The following PEG3 variants were observed in gnomAD, a reference collection of about 807,000 sequenced individuals.
The protein encoded by PEG3 is paternally-expressed gene 3 protein.
PEG3 carries 23 observed loss-of-function variants against 35.5 expected under a neutral mutation model. The observed-to-expected ratio is 0.65, with a 90% CI of 0.47 to 0.92. The LOEUF is 0.92. Ranked by LOEUF, PEG3 falls within the 40% of genes least tolerant of loss-of-function variation. The pLI, the probability that PEG3 is intolerant of heterozygous loss-of-function variation, is 0.00. For synonymous variants in PEG3, 707 were observed against 697.0 expected, an observed-to-expected ratio of 1.01 and a Z score of -0.23; for missense variants, 1,960 against 1,985.3, an observed-to-expected ratio of 0.99 and a Z score of 0.24.
intron 8 of PEG3, 40 bp from the exon 9 acceptor site, chr19:56,817,875 T>C: frequency 6.5e-7 from 1 of 1,531,516 alleles, no homozygotes; most frequent in East Asian, 2.3e-5. Context: ...CAAATTCAAG[T>C]TGAGGACCAA....
chr19:56,823,868 G>A (rs1159459330), intron 4 of PEG3, among the ~76,000 whole-genome samples, 189 bp from the exon 5 acceptor site: 1 of 152,128 alleles, frequency 6.6e-6, no homozygotes, highest in Non-Finnish European at 1.5e-5. Context: ...TGGGTGGGGG[G>A]AGCATGGTGG....
In PEG3 at chr19:56,813,836, C is replaced by G; in HGVS notation, c.4606G>C (p.Ala1536Pro). 6.2e-7 allele frequency: 1 copy of G among 1,614,200 alleles called. No individual in the cohort carries two copies. The highest frequency in any genetic ancestry group is 8.5e-7 in the Non-Finnish European group (1 of 1,180,038). Residue 1536 changes from alanine to proline, a missense_variant, in exon 10 of 10, where the codon GCA (alanine) becomes CCA (proline). By Grantham distance (27) the Ala-to-Pro change is conservative. Around this residue, in one of 5 missense-constraint regions of PEG3, gnomAD observed 416 missense variants for 416.7 expected, o/e 1.00. Transcript: ENST00000326441. ...CCTGAGCACTCCCCAAAGGCATTTGCAGGCTCAAATATGATCATGCTGGCA... is the reference window on the plus strand; with the variant it reads ...CCTGAGCACTCCCCAAAGGCATTTGGAGGCTCAAATATGATCATGCTGGCA... ...THASMIIFEP[A>P]NAFGECSGYI...
Position 56,812,652 on chromosome 19 carries a change from A to T in PEG3, c.*1023T>A, listed in dbSNP as rs2059614496. ...TGATGAAAGGTTATTAGCCTGCAAC[A>T]TTATTTACAGCATGAGAGCCTCTCC... On this transcript the variant is annotated 3_prime_UTR_variant, in exon 10 of 10. Transcript: ENST00000326441. 1 of 985,666 alleles carries T rather than the reference A, an allele frequency of 1.0e-6. No individual in the cohort carries two copies. Among genetic ancestry groups the T allele is most frequent in the South Asian group, 4.7e-5 (1 of 21,290 alleles). The allele number at this position is 985,666 out of a possible 1,614,324, so 61.1% of individuals were successfully genotyped here.
In PEG3 at chr19:56,824,562, C is replaced by A; in HGVS notation, c.94G>T (p.Asp32Tyr). ...ELDSDLTKEPDVIIGEGPTDS... is the reference protein window; with the variant it reads ...ELDSDLTKEPYVIIGEGPTDS... ...GTTGGACCTTCTCCTATGATGACAT[C>A]CGGCTCCTTAGTCAAGTCACTGTCT... is the stretch of plus-strand genomic sequence containing the variant. The change falls in exon 4 of 10, where the codon GAT becomes TAT. Residue 32 changes from aspartate to tyrosine, a missense_variant. By Grantham distance (160) the Asp-to-Tyr change is radical. This residue lies in a region of PEG3 where 613 missense variants were observed against 577.1 expected (regional missense o/e 1.06). Transcript: ENST00000326441. 18 of 1,614,156 alleles carry A rather than the reference C, an allele frequency of 1.1e-5. No individual in the cohort carries two copies. Among genetic ancestry groups the A allele is most frequent in the Non-Finnish European group, 1.5e-5 (18 of 1,180,026 alleles).
Position 56,811,249 on chromosome 19 carries a change from T to TACA in PEG3, c.*2423_*2425dup. The TACA allele has an allele frequency of 2.1e-6, 2 of 954,996 alleles. No individual in the cohort carries two copies. The highest frequency in any genetic ancestry group is 2.5e-6 in the Non-Finnish European group (2 of 802,300). 59.2% of individuals were successfully genotyped at this position (954,996 alleles called of 1,614,324 possible). On this transcript the variant is annotated 3_prime_UTR_variant, in exon 10 of 10. Coordinates refer to ENST00000326441, the MANE Select transcript of PEG3 (RefSeq NM_006210.3). Reference sequence around the variant, plus strand: ...AGAAAATAATGCTCAACTATAAGCCTACAACAACAACACCACAACAGCTTT... The same window carrying TACA: ...AGAAAATAATGCTCAACTATAAGCCTACAACAACAACAACACCACAACAGCTTT...
At position 56,824,605 on chromosome 19, in the gene PEG3, G is replaced by A; in HGVS notation, c.51C>T (p.Ala17=). Residue 17 remains alanine (A), a synonymous_variant, in exon 4 of 10, where the codon GCC becomes GCT. Coordinates refer to ENST00000326441, the MANE Select transcript of PEG3 (RefSeq NM_006210.3). ...CACTGTCTAGCTCATACAGATTTGG[G>A]GCCCAGGACTTCTTAGGTTTGGTGG... ...LSATKPKKSW[A]PNLYELDSDL... 6.2e-7 allele frequency: 1 copy of A among 1,610,270 alleles called. No individual in the cohort carries two copies. The highest frequency in any genetic ancestry group is 8.5e-7 in the Non-Finnish European group (1 of 1,176,870).
In PEG3 at chr19:56,812,748, G is replaced by A. The variant is rs2059621881; in HGVS notation, c.*927C>T. The A allele has an allele frequency of 2.6e-5, 26 of 983,702 alleles. No individual in the cohort carries two copies. In the South Asian group the frequency reaches 1.2e-3, roughly 46 times the overall value. 60.9% of individuals were successfully genotyped at this position (983,702 alleles called of 1,614,324 possible). ...TTGTAACCCATTCTTTAAAGGCAAAGATGTAAGATTTACAGGGAAAAGCTT... is the reference window on the plus strand; with the variant it reads ...TTGTAACCCATTCTTTAAAGGCAAAAATGTAAGATTTACAGGGAAAAGCTT... On this transcript the variant is annotated 3_prime_UTR_variant, in exon 10 of 10. Transcript: ENST00000326441.
chr19:56,839,782 G>C (rs939379384), intron 1 of PEG3, among the ~76,000 whole-genome samples: 1 of 151,986 alleles, frequency 6.6e-6, no homozygotes, highest in African/African-American at 2.4e-5. Flanking sequence ...GCGCCTGCGC[G>C]GCAAACCTCA....
chr19:56,834,331 C>G (rs1289624635), intron 2 of PEG3, among the ~76,000 whole-genome samples: 1 of 152,148 alleles, frequency 6.6e-6, no homozygotes, highest in Non-Finnish European at 1.5e-5. Context: ...AAGGGTTTCA[C>G]TGTGACAACA....
intron 2 of PEG3, among the ~76,000 whole-genome samples, chr19:56,829,281 T>C (rs111720553): frequency 6.7e-6 from 1 of 150,018 alleles, no homozygotes; most frequent in East Asian, 2.0e-4. Flanking sequence ...GAGGCAGAGG[T>C]TGCAGTGAGC....
rs2059920362 is a variant in PEG3, at chr19:56,815,737, G to A, written c.2705C>T (p.Ala902Val). The A allele has an allele frequency of 3.1e-6, 5 of 1,614,086 alleles. No individual in the cohort carries two copies. The Middle Eastern group carries it at 4.9e-4, about 160-fold the overall frequency. The change falls in exon 10 of 10, where the codon GCC (alanine) becomes GTC (valine). Residue 902 changes from alanine to valine, a missense_variant. Ala to Val is a moderately conservative substitution (Grantham distance 64, BLOSUM62 0). This residue lies in a region of PEG3 where 798 missense variants were observed against 782.4 expected (regional missense o/e 1.02). Coordinates refer to ENST00000326441, the MANE Select transcript of PEG3 (RefSeq NM_006210.3). The part of the protein sequence containing the change: ...EDSVIQSVFR[A>V]KPQKSVPGEG... ...TCCAGGAACACTTTTCTGAGGTTTG[G>A]CACGGAATACACTCTGTATGACAGA...
Position 56,832,047 on chromosome 19 carries a change from A to T in PEG3, c.-163+3971T>A, listed in dbSNP as rs528917570. ...AACTAAACTGGAAGAAAACTCACAT[A>T]AACTTGTATTAAGACTATTCATAAA... On this transcript the variant is annotated intron_variant, in intron 2 of 9. Transcript: ENST00000326441. 5.9e-4 allele frequency among the ~76,000 whole-genome samples: 90 copies of T among 152,376 alleles called. 1 individual carries two copies. The highest frequency in any genetic ancestry group is 1.9e-3 in the African/African-American group (81 of 41,592).
Position 56,813,678 on chromosome 19 carries a change from G to T in PEG3, c.4764C>A (p.Gly1588=), listed in dbSNP as rs2059698661. ...SLARHQNTHT[G] ...TTCTAACCTTTACCCCATGCCCTCA[G>T]CCAGTGTGGGTATTCTGGTGTCTGG... is the stretch of plus-strand genomic sequence containing the variant. The change falls in exon 10 of 10, where the codon GGC becomes GGA. Residue 1588 remains glycine, a synonymous_variant. Coordinates refer to ENST00000326441, the MANE Select transcript of PEG3 (RefSeq NM_006210.3). 2 of 1,611,588 alleles carry T rather than the reference G, an allele frequency of 1.2e-6. No homozygotes were observed. Among genetic ancestry groups the T allele is most frequent in the Non-Finnish European group, 1.7e-6 (2 of 1,178,018 alleles).
chr19:56,816,016 C>T lies in PEG3; in HGVS notation c.2426G>A (p.Ser809Asn), dbSNP rs2059945850. The T allele has an allele frequency of 6.3e-7, 1 of 1,590,974 alleles. No homozygotes were observed. Among genetic ancestry groups the T allele is most frequent in the East Asian group, 2.2e-5 (1 of 44,712 alleles). Residue 809 changes from serine (S) to asparagine (N), a missense_variant, in exon 10 of 10, where the codon AGC becomes AAC. Ser to Asn is a conservative substitution (Grantham distance 46, BLOSUM62 1). This residue lies in a region of PEG3 where 798 missense variants were observed against 782.4 expected (regional missense o/e 1.02). Coordinates refer to ENST00000326441, the MANE Select transcript of PEG3 (RefSeq NM_006210.3). ...PKVMAESTIQ[S>N]FDAINHQRVR... Reference sequence around the variant, plus strand: ...TCTCTGATGGTTGATAGCATCGAAGCTCTGAATGGTAGACTCTGCCATTAC... The same window carrying T: ...TCTCTGATGGTTGATAGCATCGAAGTTCTGAATGGTAGACTCTGCCATTAC...
intron 1 of PEG3, among the ~76,000 whole-genome samples, chr19:56,840,065 G>C (rs961190017): frequency 3.3e-5 from 5 of 152,312 alleles, no homozygotes; most frequent in African/African-American, 1.2e-4. Context: ...CGCCGGCGCC[G>C]CGAGGCCGAT....
intron 1 of PEG3, 141 bp from the exon 2 acceptor site, chr19:56,836,245 C>A: frequency 5.6e-6 from 2 of 360,224 alleles, no homozygotes; most frequent in Middle Eastern, 8.9e-4. Context: ...GCATCCCATC[C>A]AGGATGAATG....
At position 56,816,898 on chromosome 19, in the gene PEG3, T is replaced by C. The variant is rs780542091; in HGVS notation, c.1544A>G (p.Asn515Ser). 119 of 1,614,104 alleles carry C rather than the reference T, an allele frequency of 7.4e-5. No homozygotes were observed. In the South Asian group the frequency reaches 1.0e-3, roughly 14 times the overall value. The change falls in exon 10 of 10, where the codon AAT (asparagine) becomes AGT (serine). Residue 515 changes from asparagine (N) to serine (S), a missense_variant. Physicochemically the swap from Asn to Ser is conservative, Grantham distance 46 (BLOSUM62 1). Coordinates refer to ENST00000326441, the MANE Select transcript of PEG3 (RefSeq NM_006210.3). ...ATGTTCAGCCAAGGCGGCACTCTTA[T>C]TGAAGGTCTCTCCACAGTCCTTACA... ...FECKDCGETF[N>S]KSAALAEHRK...
intron 1 of PEG3, among the ~76,000 whole-genome samples, chr19:56,838,813 C>T (rs1046529886): frequency 6.6e-6 from 1 of 152,242 alleles, no homozygotes; most frequent in Non-Finnish European, 1.5e-5. Flanking sequence ...AGCTTTCCAT[C>T]ACCGCAAGGC....
In PEG3 at chr19:56,810,830, T is replaced by A. The variant is rs562556780; in HGVS notation, c.*2845A>T. ...GGTGTTGGGAATATAGGTAATTTTT[T>A]AAAATAATTTACTTTATTTTCTAAT... On this transcript the variant is annotated 3_prime_UTR_variant, in exon 10 of 10. Coordinates refer to ENST00000326441, the MANE Select transcript of PEG3 (RefSeq NM_006210.3). 171 of 969,498 alleles carry A rather than the reference T, an allele frequency of 1.8e-4. No individual in the cohort carries two copies. The highest frequency in any genetic ancestry group is 1.6e-3 in the Middle Eastern group (3 of 1,882). The allele number at this position is 969,498 out of a possible 1,614,324, so 60.1% of individuals were successfully genotyped here.
Sources: allele counts gnomAD v4.1 joint callset (sites outside exome capture counted in the v4.1 genomes callset), GRCh38; gene constraint gnomAD v4.1.1; regional missense constraint gnomAD v4.1.1; transcripts MANE v1.5; gene names NCBI Gene and HGNC (gene_info 2026-07-23, HGNC 2026-07-21).